The following SCN11A variants were observed in gnomAD, a reference collection of about 807,000 sequenced individuals.
The protein encoded by SCN11A is sodium channel protein type 11 subunit alpha.
SCN11A carries 122 observed loss-of-function variants against 162.2 expected under a neutral mutation model. That is an observed-to-expected ratio of 0.75 (90% confidence interval 0.65 to 0.87). The LOEUF is 0.87. Among genes scored for constraint, SCN11A ranks in the 40% least tolerant of loss-of-function variants. The pLI is 0.00. For synonymous variants in SCN11A, 758 were observed against 751.5 expected (o/e 1.01, Z -0.14); for missense variants, 2,015 against 2,181.6 (o/e 0.92, Z 1.52).
chr3:38,869,806 G>A (rs552765952), intron 26 of SCN11A, among the ~76,000 whole-genome samples: 12 of 152,232 alleles, frequency 7.9e-5, no homozygotes, highest in South Asian at 4.2e-4. Flanking sequence ...TCACTGTGGC[G>A]TTTTGGATTT....
intron 2 of SCN11A, among the ~76,000 whole-genome samples, chr3:38,988,073 T>C (rs562547896): frequency 3.8e-4 from 58 of 152,252 alleles, no homozygotes; most frequent in African/African-American, 1.3e-3. Context: ...TGTCCATAAA[T>C]AATTAAGAAT....
chr3:38,871,489 T>C lies in SCN11A; in HGVS notation c.3715A>G (p.Asn1239Asp). 6.2e-7 allele frequency: 1 copy of C among 1,612,990 alleles called. No individual in the cohort carries two copies. The highest frequency in any genetic ancestry group is 1.7e-5 in the Admixed American group (1 of 59,848). Residue 1239 changes from asparagine (N) to aspartate (D), a missense_variant, in exon 25 of 30, where the codon AAC becomes GAC. Coordinates refer to ENST00000302328, the MANE Select transcript of SCN11A (RefSeq NM_001349253.2). Reference sequence around the variant, plus strand: ...TAAGCATTTCCCACATTGTCAAAGTTGACTTTCTGGTTGATCCAAGAGAAA... The same window carrying C: ...TAAGCATTTCCCACATTGTCAAAGTCGACTTTCTGGTTGATCCAAGAGAAA... ...GNFSWINQKV[N>D]FDNVGNAYLA...
In SCN11A at chr3:38,904,400, CTGGCTG is replaced by C. The variant is rs2065757582; in HGVS notation, c.1604-303_1604-298del. Among the ~76,000 whole-genome samples, 3 of 152,134 alleles carry C rather than the reference CTGGCTG, an allele frequency of 2.0e-5. No individual in the cohort carries two copies. In the South Asian group the frequency reaches 6.2e-4, roughly 31 times the overall value. On this transcript the variant is annotated intron_variant, in intron 15 of 29. Transcript: ENST00000302328. ...ATATAGATGTGGAAATCAACATTGG[CTGGCTG>C]TGAATCCAAGAGAGAGATAGATACA...
rs569983899 is a variant in SCN11A at position 38,988,392 on chromosome 3, T to C, written c.-279-27969A>G. On this transcript the variant is annotated intron_variant, in intron 2 of 29. Coordinates refer to ENST00000302328, the MANE Select transcript of SCN11A (RefSeq NM_001349253.2). Reference sequence around the variant, plus strand: ...CCTGGCCAGTACAGACCCTGTGGCCTCCATCACAAGTCTCTGGGCTCCCCC... The same window carrying C: ...CCTGGCCAGTACAGACCCTGTGGCCCCCATCACAAGTCTCTGGGCTCCCCC... Among the ~76,000 whole-genome samples the C allele has an allele frequency of 5.1e-4, 78 of 152,244 alleles. 1 individual carries two copies. Among genetic ancestry groups the C allele is most frequent in the African/African-American group, 1.9e-3 (77 of 41,548 alleles).
intron 1 of SCN11A, among the ~76,000 whole-genome samples, chr3:39,042,784 C>A (rs1450995176): frequency 6.6e-6 from 1 of 151,432 alleles, no homozygotes; most frequent in Non-Finnish European, 1.5e-5. Context: ...ATGGAGAAAC[C>A]CTGTCTCTAC....
intron 2 of SCN11A, among the ~76,000 whole-genome samples, chr3:38,978,781 G>A (rs1000109531): frequency 1.3e-5 from 2 of 152,158 alleles, no homozygotes; most frequent in African/African-American, 4.8e-5. Flanking sequence ...TGGACCCAGC[G>A]TGCTTTGGCC....
chr3:39,002,056 A>C (rs72858009), intron 2 of SCN11A, among the ~76,000 whole-genome samples: 12,540 of 152,076 alleles, frequency 0.082, 733 homozygotes, highest in African/African-American at 0.16. Context: ...ACAAAAAAAA[A>C]CTATTATTAT....
At chr3:38,990,748 T>C (rs1361706363) in intron 2 of SCN11A, among the ~76,000 whole-genome samples, 2 of 152,044 alleles carry the variant, frequency 1.3e-5, no homozygotes, top group Admixed American at 6.5e-5. Context: ...TTTTCACAGA[T>C]GAGAAAATCA....
chr3:39,014,108 C>T (rs2031221741), intron 2 of SCN11A, among the ~76,000 whole-genome samples: 1 of 152,186 alleles, frequency 6.6e-6, no homozygotes, highest in African/African-American at 2.4e-5. Context: ...CACCTTCATT[C>T]TTTTTGGGTT....
chr3:38,994,608 G>A (rs953017694), intron 2 of SCN11A, among the ~76,000 whole-genome samples: 6 of 152,220 alleles, frequency 3.9e-5, no homozygotes, highest in African/African-American at 1.4e-4. Flanking sequence ...ATCAAACCTA[G>A]TGAGAGGACA....
chr3:38,922,674 GAGA>G (rs1288159576), intron 9 of SCN11A, among the ~76,000 whole-genome samples: 5 of 151,460 alleles, frequency 3.3e-5, no homozygotes, highest in African/African-American at 9.8e-5. Flanking sequence ...AAAGAAGAAG[GAGA>G]AGGAGGAGGA....
intron 11 of SCN11A, among the ~76,000 whole-genome samples, chr3:38,919,553 A>C (rs2066012715): frequency 6.6e-6 from 1 of 152,206 alleles, no homozygotes; most frequent in Non-Finnish European, 1.5e-5. Context: ...AGGTCAACAA[A>C]GAGAAGAAGC....
intron 27 of SCN11A, among the ~76,000 whole-genome samples, chr3:38,864,593 T>C (rs2065013848): frequency 6.6e-6 from 1 of 152,166 alleles, no homozygotes; most frequent in African/African-American, 2.4e-5. Flanking sequence ...AATTTCCACT[T>C]ATATATTTCC....
chr3:38,950,925 C>T (rs1261124189), intron 4 of SCN11A, among the ~76,000 whole-genome samples: 3 of 152,234 alleles, frequency 2.0e-5, no homozygotes, highest in Admixed American at 2.0e-4. Context: ...GAACTGCGAC[C>T]CCCATGCCGG....
At chr3:38,854,577 T>C (rs1286824004) in intron 28 of SCN11A, among the ~76,000 whole-genome samples, 1 of 152,034 alleles carries the variant, frequency 6.6e-6, no homozygotes, top group African/African-American at 2.4e-5. Context: ...CGCAGGAACG[T>C]AACAGGAAAA....
chr3:38,896,863 C>T lies in SCN11A; in HGVS notation c.2385G>A (p.Thr795=), dbSNP rs759245284. 2.0e-5 allele frequency: 32 copies of T among 1,577,010 alleles called. No homozygotes were observed. The South Asian group carries it at 2.1e-4, about 10-fold the overall frequency. ...CACATACCACAAGTTTTCCTATCAC[C>T]GTGATCAATATGAAGACAATAACAC... The part of the protein sequence containing the change: ...SLCVIVFILI[T]VIGKLVVLNL... Residue 795 remains threonine, a synonymous_variant, in exon 18 of 30, where the codon ACG becomes ACA. Coordinates refer to ENST00000302328, the MANE Select transcript of SCN11A (RefSeq NM_001349253.2).
At chr3:38,991,464 C>T (rs899218191) in intron 2 of SCN11A, among the ~76,000 whole-genome samples, 1 of 152,214 alleles carries the variant, frequency 6.6e-6, no homozygotes, top group Non-Finnish European at 1.5e-5. Context: ...TTCCTACTCA[C>T]AACTGTGTGT....
chr3:38,938,546 ATATATTTTTTTTTTTTT>A (rs2066388067), intron 7 of SCN11A, among the ~76,000 whole-genome samples: 1 of 19,420 alleles, frequency 5.1e-5, no homozygotes, highest in African/African-American at 3.1e-4. Context: ...ATATATATAT[ATATATTTTTTTTTTTTT>A]TTTTTTTTTT....
intron 28 of SCN11A, among the ~76,000 whole-genome samples, chr3:38,862,793 A>G (rs567595098): frequency 3.9e-5 from 6 of 152,214 alleles, no homozygotes; most frequent in Middle Eastern, 3.4e-3. Context: ...GGTACAGTGT[A>G]CACTGCTTGG....
Sources: gnomAD v4.1 joint callset for allele counts (sites outside exome capture counted in the v4.1 genomes callset) on GRCh38, gnomAD v4.1.1 for gene constraint, MANE v1.5 for transcripts, NCBI Gene and HGNC (gene_info 2026-07-23, HGNC 2026-07-21) for gene names.